The following PELI1 variants were observed in gnomAD, a reference collection of about 807,000 sequenced individuals.
The protein encoded by PELI1 is pellino E3 ubiquitin protein ligase 1, also known as E3 ubiquitin-protein ligase pellino homolog 1.
In PELI1, 15 loss-of-function variants were observed where a neutral mutation model predicts 41.3. That is an observed-to-expected ratio of 0.36 (90% CI 0.24 to 0.56). The LOEUF is 0.56. Ranked by LOEUF, PELI1 falls within the 20% of genes least tolerant of loss-of-function variation. The pLI is 0.82. For synonymous variants in PELI1, 178 were observed against 180.1 expected (o/e 0.99, Z 0.09); for missense variants, 403 against 525.5 (o/e 0.77, Z 2.28).
At chr2:64,107,363 C>T (rs953641270) in intron 2 of PELI1, among the ~76,000 whole-genome samples, 2 of 152,184 alleles carry the variant, frequency 1.3e-5, no homozygotes, top group Non-Finnish European at 2.9e-5. Context: ...ATCATCTATT[C>T]CTCAATCTTC....
intron 1 of PELI1, among the ~76,000 whole-genome samples, chr2:64,121,658 C>A (rs1174429658): frequency 6.6e-6 from 1 of 152,174 alleles, no homozygotes; most frequent in South Asian, 2.1e-4. Context: ...GTAATCCCAG[C>A]ACTTTGGAAG....
At chr2:64,132,968 T>C (rs1681601510) in intron 1 of PELI1, among the ~76,000 whole-genome samples, 1 of 152,192 alleles carries the variant, frequency 6.6e-6, no homozygotes, top group Non-Finnish European at 1.5e-5. Context: ...ACCATTACAA[T>C]AGATGAAGAC....
At chr2:64,120,693 T>C (rs1377487411) in intron 1 of PELI1, among the ~76,000 whole-genome samples, 4 of 152,218 alleles carry the variant, frequency 2.6e-5, no homozygotes, top group African/African-American at 9.6e-5. Context: ...GAATGATACA[T>C]TGCTAATAAA....
At chr2:64,104,527 C>A in intron 3 of PELI1, 174 bp downstream of exon 3, 2 of 991,712 alleles carry the variant, frequency 2.0e-6, no homozygotes, top group East Asian at 3.0e-5. Flanking sequence ...GTCCAATTCC[C>A]CTTCCATATG....
intron 1 of PELI1, among the ~76,000 whole-genome samples, chr2:64,122,336 GAA>G (rs1681250510): frequency 2.2e-5 from 2 of 90,650 alleles, no homozygotes; most frequent in South Asian, 8.6e-4. Flanking sequence ...TCAGTACTCT[GAA>G]ACTTAAAAAA....
At chr2:64,119,445 T>G (rs545647769) in intron 1 of PELI1, among the ~76,000 whole-genome samples, 4 of 152,294 alleles carry the variant, frequency 2.6e-5, no homozygotes, top group African/African-American at 9.6e-5. Context: ...AAATCCAGAT[T>G]GTATTAAAGC....
rs1266189018 is a variant in PELI1, at chr2:64,092,707, C to A, written c.*1995G>T. On this transcript the variant is annotated 3_prime_UTR_variant, in exon 7 of 7. Transcript: ENST00000358912. Reference sequence around the variant, plus strand: ...AGTAAGAGATGCTTTTAAAAAAGAACCAGATACTTTAAAGTGTTACATTAA... The same window carrying A: ...AGTAAGAGATGCTTTTAAAAAAGAAACAGATACTTTAAAGTGTTACATTAA... The A allele has an allele frequency of 2.0e-5, 3 of 152,086 alleles. No individual in the cohort carries two copies. Among genetic ancestry groups the A allele is most frequent in the African/African-American group, 7.2e-5 (3 of 41,406 alleles). The allele number at this position is 152,086 out of a possible 1,614,324, so 9.4% of individuals were successfully genotyped here. A position where few individuals can be genotyped will look rare whatever the true frequency, so the allele number is the denominator to read the frequency against.
At chr2:64,122,367 G>GAA (rs143649149) in intron 1 of PELI1, among the ~76,000 whole-genome samples, 5 of 131,476 alleles carry the variant, frequency 3.8e-5, no homozygotes, top group African/African-American at 1.4e-4. Context: ...AAAAACTCCA[G>GAA]AAAAAAAAAC....
At chr2:64,104,382 C>T (rs1680547732) in intron 3 of PELI1, among the ~76,000 whole-genome samples, 1 of 152,226 alleles carries the variant, frequency 6.6e-6, no homozygotes, top group African/African-American at 2.4e-5. Context: ...CTTCCCACTT[C>T]TCAGGGCAGA....
chr2:64,129,171 A>G (rs913750771), intron 1 of PELI1, among the ~76,000 whole-genome samples: 2 of 152,120 alleles, frequency 1.3e-5, no homozygotes, highest in African/African-American at 2.4e-5. Context: ...TTTTGTTTTG[A>G]AAAAAAGCCA....
chr2:64,126,777 T>C (rs942046242), intron 1 of PELI1, among the ~76,000 whole-genome samples: 4 of 152,010 alleles, frequency 2.6e-5, no homozygotes, highest in African/African-American at 9.7e-5. Flanking sequence ...AATTTGGACC[T>C]TGAGAGACAG....
At position 64,118,980 on chromosome 2, in the gene PELI1, G is replaced by GT. The variant is rs1029444653; in HGVS notation, c.-69-10602dup. On this transcript the variant is annotated intron_variant, in intron 1 of 6. Transcript: ENST00000358912. ...ACATTAAGTTCTAAAATATGTTTTT[G>GT]TTTTTTTTTTTAAAGCCCTAAGTAC... 1.6e-3 allele frequency among the ~76,000 whole-genome samples: 220 copies of GT among 139,076 alleles called. 1 individual carries two copies. The highest frequency in any genetic ancestry group is 3.8e-3 in the African/African-American group (139 of 37,008). 91.2% of individuals were successfully genotyped at this position (139,076 alleles called of 152,430 possible).
intron 1 of PELI1, among the ~76,000 whole-genome samples, chr2:64,119,123 T>C (rs1282234167): frequency 2.0e-5 from 3 of 152,134 alleles, no homozygotes; most frequent in Non-Finnish European, 4.4e-5. Flanking sequence ...TGATGAGAGA[T>C]GAGATTCATA....
At chr2:64,137,611 T>C (rs1317123544) in intron 1 of PELI1, among the ~76,000 whole-genome samples, 1 of 152,178 alleles carries the variant, frequency 6.6e-6, no homozygotes, top group Non-Finnish European at 1.5e-5. Context: ...TCCACAACAT[T>C]ATTAAAATTC....
intron 1 of PELI1, among the ~76,000 whole-genome samples, chr2:64,136,633 C>T (rs1284406814): frequency 2.6e-5 from 4 of 152,196 alleles, no homozygotes; most frequent in East Asian, 1.9e-4. Flanking sequence ...AGGCTGGGCG[C>T]GGCGGCTCAC....
intron 1 of PELI1, among the ~76,000 whole-genome samples, chr2:64,140,800 C>CAAAAAAAAAAAAAAAAAAAA (rs1356897512): frequency 1.0e-5 from 1 of 100,280 alleles, no homozygotes. Flanking sequence ...AAAAAAAAAA[C>CAAAAAAAAAAAAAAAAAAAA]AAACAAACAA....
At chr2:64,096,701 G>A (rs1016061928) in intron 4 of PELI1, 91 bp from the exon 5 acceptor site, 1 of 801,268 alleles carries the variant, frequency 1.2e-6, no homozygotes, top group African/African-American at 1.7e-5. Context: ...AGAACATTAG[G>A]TCTCTGAAAT....
intron 4 of PELI1, among the ~76,000 whole-genome samples, chr2:64,098,511 G>T (rs963903562): frequency 7.9e-5 from 12 of 152,058 alleles, no homozygotes; most frequent in Admixed American, 7.9e-4. Context: ...CCGGTTGCTG[G>T]CAAAAATCCT....
Position 64,095,032 on chromosome 2 carries a change from T to A in PELI1, c.927A>T (p.Leu309=), listed in dbSNP as rs748602805. ...VVDEKQPWVY[L]NCGHVHGYHN... is the part of the protein sequence containing the mutation. The stretch of plus-strand genomic sequence containing the variant: ...GATAGCCATGTACATGGCCGCAGTT[T>A]AGATATACCCATGGTTGTTTTTCAT... The change falls in exon 7 of 7, where the codon CTA becomes CTT. Residue 309 remains leucine (L), a synonymous_variant. Transcript: ENST00000358912. The A allele has an allele frequency of 6.2e-7, 1 of 1,614,186 alleles. No individual in the cohort carries two copies. Among genetic ancestry groups the A allele is most frequent in the Non-Finnish European group, 8.5e-7 (1 of 1,179,992 alleles).
Sources: gnomAD v4.1 joint callset for allele counts (sites outside exome capture counted in the v4.1 genomes callset) on GRCh38, gnomAD v4.1.1 for gene constraint, MANE v1.5 for transcripts, NCBI Gene and HGNC (gene_info 2026-07-23, HGNC 2026-07-21) for gene names.